The following SSH3 variants were observed in gnomAD, a reference collection of about 807,000 sequenced individuals.
The protein encoded by SSH3 is protein phosphatase Slingshot homolog 3.
Under a neutral mutation model 75.0 loss-of-function variants are expected in SSH3, and 67 were observed. The ratio of observed to expected loss-of-function variants is 0.89; its 90% CI spans 0.73 to 1.10. The LOEUF (loss-of-function observed/expected upper bound fraction) is 1.10. SSH3 is among the 50% of genes least tolerant of loss of function. The pLI, the probability that SSH3 is intolerant of heterozygous loss-of-function variation, is 0.00. For synonymous variants in SSH3, 318 were observed against 349.2 expected (o/e 0.91, Z 1.00); for missense variants, 824 against 872.7 (o/e 0.94, Z 0.70).
Position 67,309,884 on chromosome 11 carries a change from A to T in SSH3, c.1325A>T (p.His442Leu). The T allele has an allele frequency of 6.2e-7, 1 of 1,612,386 alleles. No individual in the cohort carries two copies. The highest frequency in any genetic ancestry group is 8.5e-7 in the Non-Finnish European group (1 of 1,179,988). ...TGCAGCCTGGAGCAGGCCCTGCGCCACGTGCAGGAGCTCCGGCCCATCGCC... is the reference window on the plus strand; with the variant it reads ...TGCAGCCTGGAGCAGGCCCTGCGCCTCGTGCAGGAGCTCCGGCCCATCGCC... ...YECSLEQALRHVQELRPIARP... is the reference protein window; with the variant it reads ...YECSLEQALRLVQELRPIARP... Residue 442 changes from histidine (H) to leucine (L), a missense_variant, in exon 12 of 14, where the codon CAC becomes CTC. Coordinates refer to ENST00000308127, the MANE Select transcript of SSH3 (RefSeq NM_017857.4).
Position 67,306,867 on chromosome 11 carries a change from C to T in SSH3, c.369C>T (p.Pro123=). The change falls in exon 4 of 14, where the codon CCC becomes CCT. Residue 123 remains proline (P), a synonymous_variant. Transcript: ENST00000308127. ...LAAQLEAPRP[P]RLRYLLVVST... ...CCCAGCTGGAGGCACCCCGGCCTCCCCGGCTCCGCTACCTGCTGGTAGTTT... is the reference window on the plus strand; with the variant it reads ...CCCAGCTGGAGGCACCCCGGCCTCCTCGGCTCCGCTACCTGCTGGTAGTTT... 2 of 1,613,076 alleles carry T rather than the reference C, an allele frequency of 1.2e-6. No homozygotes were observed. Among genetic ancestry groups the T allele is most frequent in the Non-Finnish European group, 1.7e-6 (2 of 1,179,394 alleles).
intron 1 of SSH3, 111 bp from the exon 2 acceptor site, chr11:67,304,007 C>T: frequency 2.2e-6 from 3 of 1,364,794 alleles, no homozygotes; most frequent in Middle Eastern, 3.6e-4. Flanking sequence ...GGTGGGAAGA[C>T]GATTGGCATC....
intron 3 of SSH3, among the ~76,000 whole-genome samples, chr11:67,306,206 G>A (rs751564909): frequency 6.6e-6 from 1 of 151,300 alleles, no homozygotes; most frequent in South Asian, 2.1e-4. Flanking sequence ...GGAGAATGGC[G>A]TGAACCCGGG....
At position 67,304,938 on chromosome 11, in the gene SSH3, G is replaced by A. The variant is rs2134766931; in HGVS notation, c.270G>A (p.Lys90=). 6.2e-7 allele frequency: 1 copy of A among 1,613,658 alleles called. No homozygotes were observed. Among genetic ancestry groups the A allele is most frequent in the Non-Finnish European group, 8.5e-7 (1 of 1,179,970 alleles). ...GGCAAGGATCCCAGAGTCCCCAGAA[G>A]CAGGAGGAGCAGAGGCAGCACCTGC... ...DFGQGSQSPQ[K]QEEQRQHLHL... Residue 90 remains lysine, a synonymous_variant, in exon 3 of 14, where the codon AAG becomes AAA. Coordinates refer to ENST00000308127, the MANE Select transcript of SSH3 (RefSeq NM_017857.4).
intron 3 of SSH3, among the ~76,000 whole-genome samples, chr11:67,305,810 G>A (rs1713680098): frequency 6.6e-6 from 1 of 152,168 alleles, no homozygotes; most frequent in Non-Finnish European, 1.5e-5. Flanking sequence ...TCAAATACTT[G>A]TGGAGACAGC....
chr11:67,304,748 T>C lies in SSH3; in HGVS notation c.105-25T>C, dbSNP rs564542213. ...CTACCCTAAGGGGAATGAGGAGCCATGACAGTTGCCCACTGCCCTGCCAGG... is the reference window on the plus strand; with the variant it reads ...CTACCCTAAGGGGAATGAGGAGCCACGACAGTTGCCCACTGCCCTGCCAGG... On this transcript the variant is annotated intron_variant, in intron 2 of 13. Transcript: ENST00000308127. 27 of 1,575,286 alleles carry C rather than the reference T, an allele frequency of 1.7e-5. No individual in the cohort carries two copies. The Admixed American group carries it at 3.4e-4, about 20-fold the overall frequency.
intron 10 of SSH3, among the ~76,000 whole-genome samples, chr11:67,309,006 T>C (rs145959761): frequency 1.6e-3 from 248 of 152,358 alleles, no homozygotes; most frequent in African/African-American, 5.6e-3. Flanking sequence ...CGTGGGGACC[T>C]GGCTGCCTGC....
At chr11:67,306,808 T>C (rs1861257632) in intron 3 of SSH3, 30 bp from the exon 4 acceptor site, 2 of 1,590,956 alleles carry the variant, frequency 1.3e-6, no homozygotes, top group Non-Finnish European at 1.7e-6. Flanking sequence ...TTGGGGCCAC[T>C]GTGACCCTGG....
chr11:67,307,881 G>T lies in SSH3; in HGVS notation c.827G>T (p.Arg276Leu). The T allele has an allele frequency of 6.2e-7, 1 of 1,614,230 alleles. No homozygotes were observed. Among genetic ancestry groups the T allele is most frequent in the Non-Finnish European group, 8.5e-7 (1 of 1,180,032 alleles). Residue 276 changes from arginine to leucine, a missense_variant, in exon 8 of 14, where the codon CGT becomes CTT. By Grantham distance (102) the Arg-to-Leu change is moderately radical. Transcript: ENST00000308127. This position sits in a 1 kb window ranked among gnomAD's most constrained non-coding sequence, Gnocchi z 4.2. ...CAGGAGCAGATGGAGCAGGCGATCC[G>T]TGCTGAGCTGTGGAAAGTGTTGGAT... is the stretch of plus-strand genomic sequence containing the variant. ...SEQEQMEQAI[R>L]AELWKVLDVS...
chr11:67,312,203 G>A lies in SSH3; in HGVS notation c.*316G>A. On this transcript the variant is annotated 3_prime_UTR_variant, in exon 14 of 14. Coordinates refer to ENST00000308127, the MANE Select transcript of SSH3 (RefSeq NM_017857.4). ...TAGTTTCATTCTCAACTCTAGCCCT[G>A]CACACTCACCTGTGGCACGGAATGA... The A allele has an allele frequency of 4.9e-6, 2 of 410,628 alleles. No individual in the cohort carries two copies. The highest frequency in any genetic ancestry group is 8.8e-6 in the Non-Finnish European group (2 of 227,456). The allele number at this position is 410,628 out of a possible 1,614,324, so 25.4% of individuals were successfully genotyped here.
chr11:67,306,465 G>A (rs1046360735), intron 3 of SSH3, among the ~76,000 whole-genome samples: 1 of 152,178 alleles, frequency 6.6e-6, no homozygotes, highest in African/African-American at 2.4e-5. Flanking sequence ...TCTGGGCATG[G>A]TGGCATGGGC....
intron 12 of SSH3, 27 bp from the exon 13 acceptor site, chr11:67,310,039 A>G (rs1173781141): frequency 3.7e-6 from 6 of 1,610,936 alleles, no homozygotes; most frequent in Non-Finnish European, 5.1e-6. Context: ...GGTCACTCAG[A>G]GCTGACTCAG....
At chr11:67,309,240 A>T in intron 10 of SSH3, 157 bp from the exon 11 acceptor site, 1 of 879,436 alleles carries the variant, frequency 1.1e-6, no homozygotes, top group Non-Finnish European at 1.7e-6. Context: ...GGTCGCAGCC[A>T]GGTGACAGCT....
Position 67,310,442 on chromosome 11 carries a change from C to T in SSH3, c.1683+103C>T, listed in dbSNP as rs921786834. 57 of 1,414,706 alleles carry T rather than the reference C, an allele frequency of 4.0e-5. No homozygotes were observed. The East Asian group carries it at 9.6e-4, about 24-fold the overall frequency. 87.6% of individuals were successfully genotyped at this position (1,414,706 alleles called of 1,614,324 possible). On this transcript the variant is annotated intron_variant, in intron 13 of 13. Coordinates refer to ENST00000308127, the MANE Select transcript of SSH3 (RefSeq NM_017857.4). ...CGTTTGACTGTAGACCTGAGCAGGG[C>T]GTACCCGGGCTAAGTCTGGCCCGCC...
Position 67,306,726 on chromosome 11 carries a change from G to C in SSH3, c.340-112G>C, listed in dbSNP as rs1275597908. ...CCACTGATTTTACATCTGGGAAGAG[G>C]GGGGATGGGAGAGGAAGGAGCAGGG... On this transcript the variant is annotated intron_variant, in intron 3 of 13. Transcript: ENST00000308127. The C allele has an allele frequency of 1.4e-5, 17 of 1,256,072 alleles. No individual in the cohort carries two copies. The East Asian group carries it at 3.1e-4, about 23-fold the overall frequency. The allele number at this position is 1,256,072 out of a possible 1,614,324, so 77.8% of individuals were successfully genotyped here.
chr11:67,305,903 A>G (rs1033684553), intron 3 of SSH3, among the ~76,000 whole-genome samples: 2 of 152,116 alleles, frequency 1.3e-5, no homozygotes, highest in Admixed American at 1.3e-4. Context: ...ATCATCCCCT[A>G]TCGTGAGATT....
At chr11:67,305,745 G>A (rs139426026) in intron 3 of SSH3, among the ~76,000 whole-genome samples, 80 of 152,272 alleles carry the variant, frequency 5.3e-4, no homozygotes, top group Non-Finnish European at 6.9e-4. Context: ...CAGAGGGGAG[G>A]AGGACTCCAG....
At position 67,308,161 on chromosome 11, in the gene SSH3, G is replaced by T. The variant is rs1167086737; in HGVS notation, c.886-13G>T. On this transcript the variant is annotated splice_polypyrimidine_tract_variant and intron_variant, in intron 8 of 13. Transcript: ENST00000308127. The surrounding 1 kb of genome is among the most constrained non-coding windows in gnomAD (Gnocchi z 4.9). ...AGAGCCCCAGCCTCTCTTGCCCTGG[G>T]CTCTGCCTGCAGATCCGCCAGGCTC... 6.2e-7 allele frequency: 1 copy of T among 1,611,076 alleles called. No homozygotes were observed. Among genetic ancestry groups the T allele is most frequent in the Non-Finnish European group, 8.5e-7 (1 of 1,178,838 alleles).
chr11:67,304,839 A>T lies in SSH3; in HGVS notation c.171A>T (p.Ala57=), dbSNP rs147363507. ...AGGATGGAGGGGACAATGATGATGC[A>T]GCAGAGGCCAGTTCTGAGCCAACAG... is the stretch of plus-strand genomic sequence containing the variant. ...GLQDGGDNDD[A]AEASSEPTEK... The change falls in exon 3 of 14, where the codon GCA becomes GCT. Residue 57 remains alanine, a synonymous_variant. Transcript: ENST00000308127. 34 of 1,613,570 alleles carry T rather than the reference A, an allele frequency of 2.1e-5. No homozygotes were observed. In the African/African-American group the frequency reaches 4.1e-4, roughly 20 times the overall value.
Sources: allele counts gnomAD v4.1 joint callset (sites outside exome capture counted in the v4.1 genomes callset), GRCh38; gene constraint gnomAD v4.1.1; non-coding constraint Gnocchi (gnomAD v3.1); transcripts MANE v1.5; gene names NCBI Gene and HGNC (gene_info 2026-07-23, HGNC 2026-07-21).